The following TMTC1 variants were observed in gnomAD, a reference collection of about 807,000 sequenced individuals.
TMTC1 encodes transmembrane O-mannosyltransferase targeting cadherins 1.
In TMTC1, 73 loss-of-function variants were observed where a neutral mutation model predicts 104.8. That is an observed-to-expected ratio of 0.70 (90% CI 0.58 to 0.85). The LOEUF (loss-of-function observed/expected upper bound fraction) is 0.85. TMTC1 is among the 40% of genes least tolerant of loss of function. The pLI is 0.00. For synonymous variants in TMTC1, 434 were observed against 428.7 expected, an observed-to-expected ratio of 1.01 and a Z score of -0.15; for missense variants, 1,035 against 1,096.1, an observed-to-expected ratio of 0.94 and a Z score of 0.79.
chr12:29,510,287 A>G lies in TMTC1; in HGVS notation c.2508+1756T>C, dbSNP rs532011554. On this transcript the variant is annotated intron_variant, in intron 17 of 17. Transcript: ENST00000539277. ...CTAGACATACTGAAACACAAAAAAG[A>G]TGTAGTAAAAACACGGTATTATAAT... Among the ~76,000 whole-genome samples the G allele has an allele frequency of 2.0e-5, 3 of 152,316 alleles. No homozygotes were observed. In the South Asian group the frequency reaches 6.2e-4, roughly 32 times the overall value.
intron 14 of TMTC1, 22 bp downstream of exon 14, chr12:29,517,405 C>A (rs756791539): frequency 1.2e-6 from 2 of 1,613,582 alleles, no homozygotes; most frequent in Admixed American, 3.3e-5. Context: ...TTGCCAGCTT[C>A]ATTTTCTTTC....
chr12:29,675,188 C>G (rs192249398), intron 5 of TMTC1, among the ~76,000 whole-genome samples: 36 of 152,250 alleles, frequency 2.4e-4, no homozygotes, highest in African/African-American at 7.9e-4. Flanking sequence ...CCTAACCATA[C>G]AAGTCTTAAC....
At chr12:29,639,535 T>C (rs1565729606) in intron 5 of TMTC1, among the ~76,000 whole-genome samples, 2 of 152,242 alleles carry the variant, frequency 1.3e-5, no homozygotes, top group African/African-American at 4.8e-5. Flanking sequence ...AATCCTACTA[T>C]AAATTGATTA....
chr12:29,563,135 T>C (rs867291952), intron 9 of TMTC1, among the ~76,000 whole-genome samples: 1 of 152,222 alleles, frequency 6.6e-6, no homozygotes, highest in Non-Finnish European at 1.5e-5. Flanking sequence ...GAATGTTCTT[T>C]GTCCAGCACT....
At position 29,783,848 on chromosome 12, in the gene TMTC1, G is replaced by T. The variant is rs1943898217; in HGVS notation, c.-97C>A. 5.8e-6 allele frequency: 6 copies of T among 1,041,962 alleles called. No homozygotes were observed. The highest frequency in any genetic ancestry group is 7.6e-5 in the East Asian group (1 of 13,136). The allele number at this position is 1,041,962 out of a possible 1,614,324, so 64.5% of individuals were successfully genotyped here. A position where few individuals can be genotyped will look rare whatever the true frequency, so the allele number is the denominator to read the frequency against. The stretch of plus-strand genomic sequence containing the variant: ...GGCGCGCGGCGTCTGCCCGGAGGGG[G>T]GCTCGGGCATGGTGCTGCGGCAGCT... On this transcript the variant is annotated 5_prime_UTR_variant, in exon 1 of 18. Transcript: ENST00000539277. The surrounding 1 kb of genome is among the most constrained non-coding windows in gnomAD (Gnocchi z 4.7).
At chr12:29,660,816 C>CA in intron 5 of TMTC1, 1 of 1,453,436 alleles carries the variant, frequency 6.9e-7, no homozygotes, top group African/African-American at 1.4e-5. Context: ...AACTTAGGAC[C>CA]AAAATGGCCC....
chr12:29,712,408 A>G (rs905913514), intron 5 of TMTC1, among the ~76,000 whole-genome samples: 8 of 152,242 alleles, frequency 5.3e-5, no homozygotes, highest in South Asian at 2.1e-4. Flanking sequence ...ACAGTGTTAA[A>G]GGTCCCTTTA....
intron 7 of TMTC1, among the ~76,000 whole-genome samples, chr12:29,600,424 A>C (rs1401044198): frequency 6.6e-6 from 1 of 152,246 alleles, no homozygotes; most frequent in Non-Finnish European, 1.5e-5. Flanking sequence ...CTCTAAAGCC[A>C]CAACACAGAA....
chr12:29,783,841 G>A lies in TMTC1; in HGVS notation c.-90C>T, dbSNP rs1412673018. On this transcript the variant is annotated 5_prime_UTR_variant, in exon 1 of 18. Coordinates refer to ENST00000539277, the MANE Select transcript of TMTC1 (RefSeq NM_001193451.2). This position sits in a 1 kb window ranked among gnomAD's most constrained non-coding sequence, Gnocchi z 4.7. ...CCCCGGCGGCGCGCGGCGTCTGCCC[G>A]GAGGGGGGCTCGGGCATGGTGCTGC... The A allele has an allele frequency of 1.1e-5, 12 of 1,057,166 alleles. No individual in the cohort carries two copies. Among genetic ancestry groups the A allele is most frequent in the Admixed American group, 5.4e-5 (1 of 18,652 alleles). The allele number at this position is 1,057,166 out of a possible 1,614,324, so 65.5% of individuals were successfully genotyped here. A position where few individuals can be genotyped will look rare whatever the true frequency, so the allele number is the denominator to read the frequency against.
chr12:29,557,227 C>G lies in TMTC1; in HGVS notation c.1533-227G>C, dbSNP rs188748993. Reference sequence around the variant, plus strand: ...ATAATTAAATAATTCTTAAATAGTACAAGAATAAATAGTATGTGGATCTAC... The same window carrying G: ...ATAATTAAATAATTCTTAAATAGTAGAAGAATAAATAGTATGTGGATCTAC... On this transcript the variant is annotated intron_variant, in intron 9 of 17. Coordinates refer to ENST00000539277, the MANE Select transcript of TMTC1 (RefSeq NM_001193451.2). 2.0e-5 allele frequency among the ~76,000 whole-genome samples: 3 copies of G among 152,258 alleles called. No individual in the cohort carries two copies. In the East Asian group the frequency reaches 5.8e-4, roughly 29 times the overall value.
At chr12:29,780,141 C>G (rs939654916) in intron 1 of TMTC1, among the ~76,000 whole-genome samples, 3 of 152,176 alleles carry the variant, frequency 2.0e-5, no homozygotes, top group Admixed American at 2.0e-4. Flanking sequence ...AGCAATTGGA[C>G]TCCTGGGCAT....
At chr12:29,683,625 G>A (rs557504111) in intron 5 of TMTC1, among the ~76,000 whole-genome samples, 2 of 152,218 alleles carry the variant, frequency 1.3e-5, no homozygotes, top group South Asian at 2.1e-4. Context: ...TCTGAAAAGC[G>A]CTGCTAAATG....
At chr12:29,707,043 C>A (rs928689707) in intron 5 of TMTC1, among the ~76,000 whole-genome samples, 8 of 152,160 alleles carry the variant, frequency 5.3e-5, no homozygotes, top group African/African-American at 1.9e-4. Context: ...GCCTGGAGCC[C>A]TTGGGTCCTA....
intron 1 of TMTC1, among the ~76,000 whole-genome samples, chr12:29,777,955 G>A (rs1317710975): frequency 6.6e-6 from 1 of 152,158 alleles, no homozygotes; most frequent in Admixed American, 6.5e-5. Context: ...TTAAGGTTGT[G>A]GGCATGGAGG....
chr12:29,530,243 G>T (rs1944464610), intron 11 of TMTC1, among the ~76,000 whole-genome samples: 1 of 152,118 alleles, frequency 6.6e-6, no homozygotes, highest in African/African-American at 2.4e-5. Flanking sequence ...AGAGAGGTAA[G>T]GTCACTCAAT....
chr12:29,637,125 A>C (rs573753050), intron 5 of TMTC1, among the ~76,000 whole-genome samples: 192 of 139,238 alleles, frequency 1.4e-3, no homozygotes, highest in Admixed American at 2.3e-3. Flanking sequence ...CACACACACA[A>C]AAGAACAACA....
intron 6 of TMTC1, 67 bp from the exon 7 acceptor site, chr12:29,604,366 A>G (rs887470611): frequency 8.1e-6 from 13 of 1,598,006 alleles, no homozygotes; most frequent in Non-Finnish European, 1.1e-5. Context: ...GCATTTAACC[A>G]TCTCCTTCAC....
intron 15 of TMTC1, 124 bp downstream of exon 15, chr12:29,516,225 G>A: frequency 8.3e-7 from 1 of 1,207,648 alleles, no homozygotes; most frequent in Non-Finnish European, 1.1e-6. Flanking sequence ...CAAGAGATAG[G>A]ATATGCTGAC....
intron 8 of TMTC1, among the ~76,000 whole-genome samples, chr12:29,580,929 A>G (rs1945963047): frequency 6.6e-6 from 1 of 152,190 alleles, no homozygotes; most frequent in African/African-American, 2.4e-5. Context: ...AACACACTGC[A>G]CAGTAATAGT....
Sources: gnomAD v4.1 joint callset for allele counts (sites outside exome capture counted in the v4.1 genomes callset) on GRCh38, gnomAD v4.1.1 for gene constraint, Gnocchi (gnomAD v3.1) non-coding constraint, MANE v1.5 for transcripts, NCBI Gene and HGNC (gene_info 2026-07-23, HGNC 2026-07-21) for gene names.